The following SLC49A4 variants were observed in gnomAD, a reference collection of about 807,000 sequenced individuals.
SLC49A4 encodes the protein solute carrier family 49 member 4.
A neutral mutation model predicts 50.6 loss-of-function variants in SLC49A4; 36 were observed. The observed-to-expected ratio is 0.71, with a 90% CI of 0.55 to 0.94. The LOEUF is 0.94. Ranked by LOEUF, SLC49A4 falls within the 40% of genes least tolerant of loss-of-function variation. SLC49A4 has a pLI of 0.00. For synonymous variants in SLC49A4, 248 were observed against 241.2 expected (o/e 1.03, Z -0.26); for missense variants, 503 against 605.7 (o/e 0.83, Z 1.78).
intron 2 of SLC49A4, among the ~76,000 whole-genome samples, chr3:122,807,202 G>A (rs1053039713): frequency 6.5e-5 from 9 of 139,136 alleles, no homozygotes; most frequent in Non-Finnish European, 9.4e-5. Context: ...CATACCATTT[G>A]TAAGTATAAT....
At chr3:122,851,809 C>A (rs184451595) in intron 5 of SLC49A4, among the ~76,000 whole-genome samples, 1 of 151,934 alleles carries the variant, frequency 6.6e-6, no homozygotes, top group Admixed American at 6.6e-5. Context: ...GTCTCTTTTG[C>A]CTTTCTTTTC....
At chr3:122,798,976 C>T (rs940717804) in intron 1 of SLC49A4, among the ~76,000 whole-genome samples, 3 of 152,136 alleles carry the variant, frequency 2.0e-5, no homozygotes, top group Non-Finnish European at 4.4e-5. Flanking sequence ...TGTTTATCTT[C>T]CTAAAATGGG....
chr3:122,845,197 A>G (rs1422097422), intron 4 of SLC49A4, among the ~76,000 whole-genome samples: 1 of 152,086 alleles, frequency 6.6e-6, no homozygotes, highest in Non-Finnish European at 1.5e-5. Flanking sequence ...GCTCCCACTG[A>G]TAAGTGAGAA....
chr3:122,848,527 AT>A (rs1330873760), intron 5 of SLC49A4, among the ~76,000 whole-genome samples: 2 of 152,102 alleles, frequency 1.3e-5, no homozygotes, highest in East Asian at 3.8e-4. Context: ...TGATCATTAT[AT>A]TTCTCCTCAT....
At chr3:122,838,671 G>C (rs960149308) in intron 4 of SLC49A4, among the ~76,000 whole-genome samples, 10 of 151,568 alleles carry the variant, frequency 6.6e-5, no homozygotes, top group Non-Finnish European at 1.2e-4. Flanking sequence ...CAAACCTGCA[G>C]ATTGTGCACA....
intron 1 of SLC49A4, among the ~76,000 whole-genome samples, chr3:122,800,204 T>G (rs1018101853): frequency 2.6e-5 from 4 of 152,188 alleles, no homozygotes; most frequent in African/African-American, 9.7e-5. Context: ...GGAGCTTCCC[T>G]GGAGTAGAGG....
chr3:122,840,200 CAG>C (rs1936752068), intron 4 of SLC49A4, among the ~76,000 whole-genome samples: 1 of 152,144 alleles, frequency 6.6e-6, no homozygotes, highest in South Asian at 2.1e-4. Flanking sequence ...TAGGCAAAGA[CAG>C]AGTGGTATAG....
chr3:122,827,138 T>C, intron 3 of SLC49A4, 73 bp downstream of exon 3: 2 of 1,494,354 alleles, frequency 1.3e-6, no homozygotes, highest in East Asian at 2.3e-5. Flanking sequence ...ACTTTTTGTA[T>C]AACAGATACC....
In SLC49A4 at chr3:122,872,668, A is replaced by G; in HGVS notation, c.1321+71A>G. The G allele has an allele frequency of 3.6e-6, 4 of 1,105,592 alleles. No homozygotes were observed. In the South Asian group the frequency reaches 6.9e-5, roughly 19 times the overall value. The allele number at this position is 1,105,592 out of a possible 1,614,324, so 68.5% of individuals were successfully genotyped here. On this transcript the variant is annotated intron_variant, in intron 8 of 8. Transcript: ENST00000261038. ...AAAGTTTGGGTCACTAGTGTATAGAAGTTTTTATATGGAGAAGTCTCACCA... is the reference window on the plus strand; with the variant it reads ...AAAGTTTGGGTCACTAGTGTATAGAGGTTTTTATATGGAGAAGTCTCACCA...
intron 2 of SLC49A4, 117 bp downstream of exon 2, chr3:122,807,067 A>G (rs1461404425): frequency 1.8e-6 from 1 of 566,134 alleles, no homozygotes; most frequent in Non-Finnish European, 3.1e-6. Context: ...ACTCTATATG[A>G]TGATTAATTT....
chr3:122,877,488 T>G (rs1218572289), intron 8 of SLC49A4, among the ~76,000 whole-genome samples: 1 of 152,252 alleles, frequency 6.6e-6, no homozygotes, highest in Non-Finnish European at 1.5e-5. Context: ...ATAAAAGATC[T>G]GTTTTGACAA....
intron 5 of SLC49A4, among the ~76,000 whole-genome samples, chr3:122,850,999 T>G (rs939784847): frequency 2.0e-5 from 3 of 152,210 alleles, no homozygotes; most frequent in African/African-American, 7.2e-5. Context: ...ACTCTTTTAC[T>G]GTTTAATGAT....
chr3:122,824,717 TTTTTTTTTCCTTC>T (rs1422775204), intron 2 of SLC49A4, among the ~76,000 whole-genome samples: 2 of 133,050 alleles, frequency 1.5e-5, no homozygotes, highest in African/African-American at 3.5e-5. Context: ...CTTTCCTTTC[TTTTTTTTTCCTTC>T]TTTTTTTTTT....
intron 3 of SLC49A4, among the ~76,000 whole-genome samples, chr3:122,832,768 CATT>C (rs1320277580): frequency 6.6e-6 from 1 of 152,148 alleles, no homozygotes; most frequent in Non-Finnish European, 1.5e-5. Context: ...GCATATACAT[CATT>C]GTTAGTATAA....
intron 4 of SLC49A4, among the ~76,000 whole-genome samples, chr3:122,837,317 CA>C (rs201555247): frequency 0.033 from 5,003 of 152,256 alleles, 121 homozygotes; most frequent in Middle Eastern, 0.078. Context: ...AACTATACTA[CA>C]AGGCTACAGT....
chr3:122,847,853 G>C (rs1213696723), intron 5 of SLC49A4, among the ~76,000 whole-genome samples: 3 of 152,166 alleles, frequency 2.0e-5, no homozygotes, highest in Non-Finnish European at 4.4e-5. Context: ...ATAAATCTTT[G>C]CTTGCTCCAA....
intron 2 of SLC49A4, among the ~76,000 whole-genome samples, chr3:122,817,269 G>A (rs965803052): frequency 6.6e-6 from 1 of 152,184 alleles, no homozygotes; most frequent in African/African-American, 2.4e-5. Flanking sequence ...AGCAACTGCA[G>A]TTGCTGCCTT....
intron 3 of SLC49A4, among the ~76,000 whole-genome samples, chr3:122,832,225 G>A (rs1030487677): frequency 6.6e-6 from 1 of 152,106 alleles, no homozygotes; most frequent in African/African-American, 2.4e-5. Context: ...CTAATTAATG[G>A]CATAGACAGG....
At chr3:122,873,932 G>A (rs985630884) in intron 8 of SLC49A4, among the ~76,000 whole-genome samples, 1 of 152,192 alleles carries the variant, frequency 6.6e-6, no homozygotes, top group African/African-American at 2.4e-5. Flanking sequence ...ATCCCCCCTG[G>A]GATGGTAGAA....
Sources: allele counts gnomAD v4.1 joint callset (sites outside exome capture counted in the v4.1 genomes callset), GRCh38; gene constraint gnomAD v4.1.1; transcripts MANE v1.5; gene names NCBI Gene and HGNC (gene_info 2026-07-23, HGNC 2026-07-21).